Variants in UST observed in about 807,000 individuals in gnomAD.
The protein encoded by UST is chondroitin sulfate 2-O-sulfotransferase.
A neutral mutation model predicts 45.6 loss-of-function variants in UST; 21 were observed. The ratio of observed to expected loss-of-function variants is 0.46; its 90% CI spans 0.33 to 0.66. The LOEUF (loss-of-function observed/expected upper bound fraction) is 0.66, where lower values mean the gene tolerates loss of function less well. UST is among the 30% of genes least tolerant of loss of function. The pLI is 0.02. For missense variants in UST, 463 were observed against 512.4 expected, an observed-to-expected ratio of 0.90 and a Z score of 0.93; for synonymous variants, 215 against 200.6, an observed-to-expected ratio of 1.07 and a Z score of -0.61.
In UST at chr6:148,762,194, T is replaced by C. The variant is rs540961130; in HGVS notation, c.247+14517T>C. Among the ~76,000 whole-genome samples, 28 of 152,338 alleles carry C rather than the reference T, an allele frequency of 1.8e-4. 1 individual carries two copies. The South Asian group carries it at 5.8e-3, about 32-fold the overall frequency. On this transcript the variant is annotated intron_variant, in intron 1 of 7. Coordinates refer to ENST00000367463, the MANE Select transcript of UST (RefSeq NM_005715.3). The stretch of plus-strand genomic sequence containing the variant: ...CTAAAGGGAGGGAACAGGAAATATT[T>C]GTTAAGATCCATAACCTCTGGCTTT...
At chr6:149,018,520 T>C (rs960094669) in intron 5 of UST, among the ~76,000 whole-genome samples, 1 of 152,162 alleles carries the variant, frequency 6.6e-6, no homozygotes, top group Non-Finnish European at 1.5e-5. Flanking sequence ...CAAGCTCTGG[T>C]AACGCCCTCA....
intron 2 of UST, among the ~76,000 whole-genome samples, chr6:148,916,287 C>T (rs960346947): frequency 2.6e-5 from 4 of 152,252 alleles, no homozygotes; most frequent in African/African-American, 9.6e-5. Flanking sequence ...AGGGATGCTG[C>T]AGGTAAGAGC....
intron 2 of UST, among the ~76,000 whole-genome samples, chr6:148,922,656 A>AG (rs1779734781): frequency 4.8e-5 from 7 of 146,718 alleles, no homozygotes; most frequent in Admixed American, 4.1e-4. Flanking sequence ...TGTATTTTCT[A>AG]TAGAGACAGG....
chr6:148,810,930 T>TA (rs1317152957), intron 1 of UST, among the ~76,000 whole-genome samples: 2 of 152,152 alleles, frequency 1.3e-5, no homozygotes, highest in African/African-American at 2.4e-5. Flanking sequence ...CATCAAGTCA[T>TA]AAAAGAAATT....
At chr6:149,020,741 GGCC>G (rs1775964837) in intron 6 of UST, among the ~76,000 whole-genome samples, 1 of 152,046 alleles carries the variant, frequency 6.6e-6, no homozygotes, top group Non-Finnish European at 1.5e-5. Flanking sequence ...TCAGAGAGCT[GGCC>G]TACAAATCAG....
At chr6:148,902,755 G>A (rs991425429) in intron 2 of UST, among the ~76,000 whole-genome samples, 1 of 152,188 alleles carries the variant, frequency 6.6e-6, no homozygotes, top group Non-Finnish European at 1.5e-5. Flanking sequence ...GTAGTTGTCT[G>A]TGTTTCTTGG....
chr6:148,888,701 G>T (rs1348848833), intron 2 of UST, among the ~76,000 whole-genome samples: 1 of 152,184 alleles, frequency 6.6e-6, no homozygotes, highest in African/African-American at 2.4e-5. Flanking sequence ...TTATTGATGA[G>T]TGGTACAGCA....
At chr6:149,065,574 A>G (rs924316444) in intron 7 of UST, among the ~76,000 whole-genome samples, 2 of 152,212 alleles carry the variant, frequency 1.3e-5, no homozygotes, top group African/African-American at 4.8e-5. Flanking sequence ...AAATCTCAAC[A>G]TAGATGGGGA....
intron 2 of UST, among the ~76,000 whole-genome samples, chr6:148,902,484 C>T (rs1384669): frequency 0.35 from 52,864 of 151,762 alleles, 9,583 homozygotes; most frequent in Non-Finnish European, 0.4. Flanking sequence ...GATCCTCCCG[C>T]CTCAGCCTCC....
chr6:148,899,780 T>G (rs1360952606), intron 2 of UST, among the ~76,000 whole-genome samples: 2 of 152,242 alleles, frequency 1.3e-5, no homozygotes, highest in East Asian at 1.9e-4. Flanking sequence ...TCTTTAGTAT[T>G]AACTTCATAT....
intron 5 of UST, among the ~76,000 whole-genome samples, chr6:149,010,895 C>CAAAAAAAAAAAAAAAAAA (rs1172538648): frequency 7.6e-5 from 5 of 65,610 alleles, no homozygotes; most frequent in African/African-American, 2.0e-4. Flanking sequence ...CCGTCTCAAC[C>CAAAAAAAAAAAAAAAAAA]AAAAAAAAAA....
chr6:148,755,468 CA>C (rs1262789959), intron 1 of UST, among the ~76,000 whole-genome samples: 1 of 152,100 alleles, frequency 6.6e-6, no homozygotes, highest in Non-Finnish European at 1.5e-5. Flanking sequence ...GAATAATTGG[CA>C]ACACTCTCTG....
At chr6:148,971,457 A>C (rs994715702) in intron 5 of UST, among the ~76,000 whole-genome samples, 20 of 152,180 alleles carry the variant, frequency 1.3e-4, no homozygotes, top group Admixed American at 1.3e-3. Flanking sequence ...TGGCTGCATC[A>C]CATCCTACAT....
chr6:148,991,900 C>T (rs1256146284), intron 5 of UST, among the ~76,000 whole-genome samples: 1 of 152,088 alleles, frequency 6.6e-6, no homozygotes, highest in Middle Eastern at 3.2e-3. Context: ...TGCAAACTTC[C>T]CATACTTCTT....
At chr6:149,024,326 A>G (rs1170555651) in intron 7 of UST, among the ~76,000 whole-genome samples, 1 of 152,234 alleles carries the variant, frequency 6.6e-6, no homozygotes, top group Non-Finnish European at 1.5e-5. Flanking sequence ...TGGTTGTCAA[A>G]TACTTTAAAT....
chr6:148,900,853 G>T lies in UST; in HGVS notation c.291+13824G>T, dbSNP rs144168553. Among the ~76,000 whole-genome samples the T allele has an allele frequency of 4.6e-3, 693 of 152,252 alleles. 2 individuals carry two copies. Among genetic ancestry groups the T allele is most frequent in the Middle Eastern group, 0.017 (5 of 294 alleles). On this transcript the variant is annotated intron_variant, in intron 2 of 7. Coordinates refer to ENST00000367463, the MANE Select transcript of UST (RefSeq NM_005715.3). ...GATGCGTTCCTTCTGGAAGCTCTGG[G>T]GCAAATCCATTTCCTTGACTTTTCC...
intron 5 of UST, among the ~76,000 whole-genome samples, chr6:149,002,328 T>A (rs573531053): frequency 2.0e-5 from 3 of 152,158 alleles, no homozygotes; most frequent in South Asian, 2.1e-4. Flanking sequence ...GTGCAGAAAT[T>A]AAGTATTTTA....
At chr6:148,847,546 C>G (rs932696573) in intron 1 of UST, among the ~76,000 whole-genome samples, 1 of 152,184 alleles carries the variant, frequency 6.6e-6, no homozygotes, top group Admixed American at 6.5e-5. Flanking sequence ...AATTTCCCCT[C>G]GTGTGGTTGT....
chr6:148,780,655 T>TAA (rs1357425137), intron 1 of UST, among the ~76,000 whole-genome samples: 1 of 152,246 alleles, frequency 6.6e-6, no homozygotes, highest in East Asian at 1.9e-4. Flanking sequence ...CCATGGTATA[T>TAA]ATGTACCACA....
Sources: allele counts gnomAD v4.1 joint callset (sites outside exome capture counted in the v4.1 genomes callset), GRCh38; gene constraint gnomAD v4.1.1; transcripts MANE v1.5; gene names NCBI Gene and HGNC (gene_info 2026-07-23, HGNC 2026-07-21).